Variants in TMEM132D observed in about 807,000 individuals in gnomAD.
TMEM132D encodes the protein transmembrane protein 132D.
TMEM132D carries 21 observed loss-of-function variants against 62.3 expected under a neutral mutation model. The ratio of observed to expected loss-of-function variants is 0.34; its 90% CI spans 0.24 to 0.49. TMEM132D has a LOEUF of 0.49. Among genes scored for constraint, TMEM132D ranks in the 20% least tolerant of loss-of-function variants. The pLI is 0.99. For missense variants in TMEM132D, 1,346 were observed against 1,402.8 expected (o/e 0.96, Z 0.65); for synonymous variants, 621 against 575.6 (o/e 1.08, Z -1.13).
intron 3 of TMEM132D, among the ~76,000 whole-genome samples, chr12:129,431,688 G>T (rs568992310): frequency 6.6e-6 from 1 of 152,236 alleles, no homozygotes; most frequent in African/African-American, 2.4e-5. Flanking sequence ...TATGAATTCT[G>T]ATTATGCCAC....
chr12:129,138,175 C>G (rs1876641346), intron 5 of TMEM132D, among the ~76,000 whole-genome samples: 1 of 151,884 alleles, frequency 6.6e-6, no homozygotes, highest in Admixed American at 6.6e-5. Context: ...CATTGCCTTG[C>G]AGAAAAAAAG....
rs869041495 is a variant in TMEM132D, at chr12:129,450,750, CTTTTTTTTT to C, written c.1115+80300_1115+80308del. Among the ~76,000 whole-genome samples the C allele has an allele frequency of 1.3e-4, 13 of 102,574 alleles. 1 individual carries two copies. The South Asian group carries it at 1.9e-3, about 15-fold the overall frequency. 67.3% of individuals were successfully genotyped at this position (102,574 alleles called of 152,430 possible). ...CAGCAACCAAAAGTTTCCATCGCTT[CTTTTTTTTT>C]TTTTTTTTTTTTTTTGAAACAGAGT... On this transcript the variant is annotated intron_variant, in intron 3 of 8. Transcript: ENST00000422113.
chr12:129,810,194 G>A (rs887616846), intron 1 of TMEM132D, among the ~76,000 whole-genome samples: 1 of 152,094 alleles, frequency 6.6e-6, no homozygotes, highest in Middle Eastern at 3.2e-3. Context: ...CTCAGCATTG[G>A]AAGTTATAGC....
intron 5 of TMEM132D, among the ~76,000 whole-genome samples, chr12:129,137,434 G>A (rs1876617358): frequency 6.6e-6 from 1 of 152,150 alleles, no homozygotes; most frequent in South Asian, 2.1e-4. Flanking sequence ...GAGGGTCAGG[G>A]AGGCTAAGTC....
chr12:129,544,200 C>A (rs1226539542), intron 2 of TMEM132D, among the ~76,000 whole-genome samples: 8 of 152,174 alleles, frequency 5.3e-5, no homozygotes, highest in Non-Finnish European at 1.2e-4. Flanking sequence ...CATTTTTTCA[C>A]ATATTTATCT....
At chr12:129,816,145 A>G (rs1195163191) in intron 1 of TMEM132D, among the ~76,000 whole-genome samples, 3 of 152,350 alleles carry the variant, frequency 2.0e-5, no homozygotes, top group Middle Eastern at 6.8e-3. Flanking sequence ...GGGTGTAAAA[A>G]AAATTTTCCT....
At chr12:129,232,594 T>A (rs1879671777) in intron 4 of TMEM132D, among the ~76,000 whole-genome samples, 1 of 152,106 alleles carries the variant, frequency 6.6e-6, no homozygotes, top group Non-Finnish European at 1.5e-5. Flanking sequence ...CCAGGGCTTC[T>A]GTGACCACCG....
intron 5 of TMEM132D, among the ~76,000 whole-genome samples, chr12:129,107,796 C>G (rs2135641616): frequency 6.6e-6 from 1 of 152,264 alleles, no homozygotes; most frequent in African/African-American, 2.4e-5. Flanking sequence ...AAGCAATACC[C>G]CCACCTCATC....
At chr12:129,306,386 G>A (rs919990736) in intron 4 of TMEM132D, among the ~76,000 whole-genome samples, 7 of 152,182 alleles carry the variant, frequency 4.6e-5, no homozygotes, top group East Asian at 3.8e-4. Context: ...AGCATAACAT[G>A]CCTTCCATAA....
At chr12:129,398,513 T>C (rs1169080831) in intron 3 of TMEM132D, among the ~76,000 whole-genome samples, 1 of 152,184 alleles carries the variant, frequency 6.6e-6, no homozygotes, top group African/African-American at 2.4e-5. Context: ...GGAAACTTGT[T>C]CATTCTATCA....
intron 1 of TMEM132D, among the ~76,000 whole-genome samples, chr12:129,757,530 A>G (rs1870208583): frequency 6.6e-6 from 1 of 152,102 alleles, no homozygotes; most frequent in Non-Finnish European, 1.5e-5. Flanking sequence ...GGGCGTCTTG[A>G]TAACTTCCCA....
chr12:129,862,649 G>C (rs1283793067), intron 1 of TMEM132D, among the ~76,000 whole-genome samples: 1 of 152,184 alleles, frequency 6.6e-6, no homozygotes, highest in Non-Finnish European at 1.5e-5. Flanking sequence ...AAATCTAATA[G>C]AGTGCCTTTC....
chr12:129,603,211 G>A (rs1878528221), intron 2 of TMEM132D, among the ~76,000 whole-genome samples: 1 of 152,072 alleles, frequency 6.6e-6, no homozygotes, highest in Non-Finnish European at 1.5e-5. Flanking sequence ...ACATTTTATG[G>A]GTTTGAACAA....
chr12:129,441,902 T>G (rs1872946549), intron 3 of TMEM132D, among the ~76,000 whole-genome samples: 1 of 152,176 alleles, frequency 6.6e-6, no homozygotes, highest in Non-Finnish European at 1.5e-5. Flanking sequence ...AACTCAATAA[T>G]GCATGTTCTC....
chr12:129,244,167 CA>C (rs1484213485), intron 4 of TMEM132D, among the ~76,000 whole-genome samples: 1 of 152,076 alleles, frequency 6.6e-6, no homozygotes, highest in African/African-American at 2.4e-5. Flanking sequence ...GGGCAGATCA[CA>C]AAGTCAGGAG....
chr12:129,220,775 G>A (rs142734820), intron 4 of TMEM132D, among the ~76,000 whole-genome samples: 1 of 151,942 alleles, frequency 6.6e-6, no homozygotes, highest in Admixed American at 6.6e-5. Flanking sequence ...TACAAGAATT[G>A]TGAATTTACG....
chr12:129,139,800 T>G (rs2135529712), intron 5 of TMEM132D, among the ~76,000 whole-genome samples: 1 of 152,248 alleles, frequency 6.6e-6, no homozygotes, highest in Non-Finnish European at 1.5e-5. Context: ...CAATTAATTC[T>G]TCTGCACTCA....
At chr12:129,564,334 T>C (rs1300058600) in intron 2 of TMEM132D, among the ~76,000 whole-genome samples, 1 of 152,246 alleles carries the variant, frequency 6.6e-6, no homozygotes, top group Non-Finnish European at 1.5e-5. Flanking sequence ...AGAAAGTTTC[T>C]GCATGTTCAT....
At chr12:129,432,259 A>G (rs1593006050) in intron 3 of TMEM132D, among the ~76,000 whole-genome samples, 1 of 145,852 alleles carries the variant, frequency 6.9e-6, no homozygotes, top group East Asian at 2.0e-4. Context: ...GCTTGGATGG[A>G]TGGAAGGATG....
Sources: gnomAD v4.1 joint callset for allele counts (sites outside exome capture counted in the v4.1 genomes callset) on GRCh38, gnomAD v4.1.1 for gene constraint, MANE v1.5 for transcripts, NCBI Gene and HGNC (gene_info 2026-07-23, HGNC 2026-07-21) for gene names.